Variants in DNAL1 observed in about 807,000 individuals in gnomAD.
DNAL1 encodes the protein dynein axonemal light chain 1, also known as chromosome 14 open reading frame 168.
DNAL1 carries 17 observed loss-of-function variants against 29.4 expected under a neutral mutation model. The observed-to-expected ratio is 0.58, with a 90% CI of 0.40 to 0.87. The LOEUF (loss-of-function observed/expected upper bound fraction) is 0.87. DNAL1 is among the 40% of genes least tolerant of loss of function. DNAL1 has a pLI of 0.00. For missense variants in DNAL1, 188 were observed against 214.1 expected, an observed-to-expected ratio of 0.88 and a Z score of 0.76; for synonymous variants, 78 against 76.3, an observed-to-expected ratio of 1.02 and a Z score of -0.12.
chr14:73,676,191 G>A (rs1390621400), intron 5 of DNAL1, among the ~76,000 whole-genome samples: 2 of 150,636 alleles, frequency 1.3e-5, no homozygotes, highest in African/African-American at 4.9e-5. Context: ...TCGAGATCAC[G>A]CCACTGCACT....
chr14:73,670,291 T>C (rs1179428364), intron 4 of DNAL1, among the ~76,000 whole-genome samples: 1 of 152,214 alleles, frequency 6.6e-6, no homozygotes, highest in Non-Finnish European at 1.5e-5. Context: ...TAGCTACATA[T>C]AGTTATTAAG....
chr14:73,650,382 C>G (rs1215695212), intron 1 of DNAL1, among the ~76,000 whole-genome samples: 3 of 152,054 alleles, frequency 2.0e-5, no homozygotes, highest in Non-Finnish European at 4.4e-5. Context: ...TGGGTTGAAT[C>G]TGCAGATGTG....
intron 5 of DNAL1, among the ~76,000 whole-genome samples, chr14:73,672,484 T>G (rs1891636533): frequency 1.3e-5 from 2 of 150,874 alleles, no homozygotes; most frequent in Non-Finnish European, 3.0e-5. Context: ...GGCGGGCGCC[T>G]GTAGTCCCAG....
intron 5 of DNAL1, among the ~76,000 whole-genome samples, chr14:73,676,215 C>T (rs1315654753): frequency 6.8e-6 from 1 of 147,590 alleles, no homozygotes; most frequent in African/African-American, 2.5e-5. Flanking sequence ...GCCTGGGTGA[C>T]AGAGCAAGAG....
intron 5 of DNAL1, among the ~76,000 whole-genome samples, chr14:73,677,465 A>G (rs981547580): frequency 4.0e-5 from 6 of 151,400 alleles, no homozygotes; most frequent in African/African-American, 1.5e-4. Flanking sequence ...GTTCGCGGCA[A>G]GTACCGTGTT....
chr14:73,655,183 G>A (rs541968150), intron 2 of DNAL1, among the ~76,000 whole-genome samples: 1 of 152,050 alleles, frequency 6.6e-6, no homozygotes, highest in Non-Finnish European at 1.5e-5. Flanking sequence ...GTCATAAAAT[G>A]TTACCCTTGG....
intron 4 of DNAL1, among the ~76,000 whole-genome samples, chr14:73,667,818 T>C (rs1891524107): frequency 6.6e-6 from 1 of 152,206 alleles, no homozygotes; most frequent in Non-Finnish European, 1.5e-5. Flanking sequence ...TTATCTCAGA[T>C]AGTGACAAGT....
intron 5 of DNAL1, among the ~76,000 whole-genome samples, chr14:73,680,786 G>A (rs1891857001): frequency 6.6e-6 from 1 of 152,134 alleles, no homozygotes; most frequent in Non-Finnish European, 1.5e-5. Context: ...CACAAACCTA[G>A]ATGGTATAGC....
At chr14:73,694,236 CTATAAATA>C (rs1892241319) in intron 7 of DNAL1, among the ~76,000 whole-genome samples, 1 of 78,050 alleles carries the variant, frequency 1.3e-5, no homozygotes, top group Middle Eastern at 6.8e-3. Context: ...CAAGCCCTGT[CTATAAATA>C]AATAAATAAA....
At chr14:73,656,110 G>A (rs1891210894) in intron 2 of DNAL1, among the ~76,000 whole-genome samples, 1 of 152,030 alleles carries the variant, frequency 6.6e-6, no homozygotes, top group Non-Finnish European at 1.5e-5. Flanking sequence ...CTGTAAGTAG[G>A]CTTTGAATAA....
intron 1 of DNAL1, among the ~76,000 whole-genome samples, chr14:73,646,917 C>G (rs1289765003): frequency 6.6e-6 from 1 of 152,142 alleles, no homozygotes; most frequent in South Asian, 2.1e-4. Context: ...CTGGGTCCCT[C>G]CAGAAATATT....
At chr14:73,695,637 C>G (rs1333691376) in intron 7 of DNAL1, among the ~76,000 whole-genome samples, 1 of 152,082 alleles carries the variant, frequency 6.6e-6, no homozygotes, top group Non-Finnish European at 1.5e-5. Context: ...TCAAGCGATT[C>G]TCCTGCCTCA....
At chr14:73,645,893 G>T (rs1041939625) in intron 1 of DNAL1, among the ~76,000 whole-genome samples, 2 of 152,212 alleles carry the variant, frequency 1.3e-5, no homozygotes, top group Non-Finnish European at 2.9e-5. Flanking sequence ...CAGAGCTATT[G>T]AGCAAAGTAT....
At chr14:73,678,104 C>T (rs937652047) in intron 5 of DNAL1, among the ~76,000 whole-genome samples, 4 of 151,360 alleles carry the variant, frequency 2.6e-5, no homozygotes, top group African/African-American at 9.7e-5. Context: ...CACCATGTTG[C>T]CCAGGCTGGT....
rs1400549632 is a variant in DNAL1, at chr14:73,699,990, A to C, written c.*4048A>C. 1 of 152,248 alleles carries C rather than the reference A, an allele frequency of 6.6e-6. No individual in the cohort carries two copies. Among genetic ancestry groups the C allele is most frequent in the Admixed American group, 6.5e-5 (1 of 15,276 alleles). 9.4% of individuals were successfully genotyped at this position (152,248 alleles called of 1,614,324 possible). ...GATGTGATCAGAAGAATGTCTGCTT[A>C]AGATAACTGGTCAATAACTTGGTAT... On this transcript the variant is annotated 3_prime_UTR_variant, in exon 8 of 8. Transcript: ENST00000553645.
chr14:73,690,614 T>C (rs929423112), intron 7 of DNAL1, among the ~76,000 whole-genome samples: 1 of 147,454 alleles, frequency 6.8e-6, no homozygotes, highest in Non-Finnish European at 1.5e-5. Context: ...ATTGTGCCAC[T>C]ACACTCCAGC....
intron 5 of DNAL1, among the ~76,000 whole-genome samples, chr14:73,680,870 T>C (rs1887369173): frequency 6.6e-6 from 1 of 152,232 alleles, no homozygotes; most frequent in Non-Finnish European, 1.5e-5. Flanking sequence ...ATCACTGTAC[T>C]GAGTGCTGCA....
chr14:73,655,195 G>A (rs1595202248), intron 2 of DNAL1, among the ~76,000 whole-genome samples: 1 of 151,874 alleles, frequency 6.6e-6, no homozygotes, highest in African/African-American at 2.4e-5. Flanking sequence ...TACCCTTGGG[G>A]GAACTGGACA....
chr14:73,691,158 T>G (rs1269928581), intron 7 of DNAL1, among the ~76,000 whole-genome samples: 1 of 152,208 alleles, frequency 6.6e-6, no homozygotes, highest in Admixed American at 6.5e-5. Context: ...TATCAGAGTA[T>G]TATTATGAGG....
Sources: gnomAD v4.1 joint callset for allele counts (sites outside exome capture counted in the v4.1 genomes callset) on GRCh38, gnomAD v4.1.1 for gene constraint, MANE v1.5 for transcripts, NCBI Gene and HGNC (gene_info 2026-07-23, HGNC 2026-07-21) for gene names.